HS6ST3: variants seen among roughly 807,000 people sequenced by gnomAD.
The protein encoded by HS6ST3 is heparan-sulfate 6-O-sulfotransferase 3.
HS6ST3 carries 12 observed loss-of-function variants against 36.7 expected under a neutral mutation model. The observed-to-expected ratio is 0.33, with a 90% CI of 0.21 to 0.53. HS6ST3 has a LOEUF of 0.53. Among genes scored for constraint, HS6ST3 ranks in the 20% least tolerant of loss-of-function variants. HS6ST3 has a pLI of 0.95. For missense variants in HS6ST3, 584 were observed against 640.9 expected (o/e 0.91, Z 0.96); for synonymous variants, 240 against 257.5 (o/e 0.93, Z 0.65).
At chr13:96,605,186 A>G (rs529358645) in intron 1 of HS6ST3, among the ~76,000 whole-genome samples, 2 of 152,268 alleles carry the variant, frequency 1.3e-5, no homozygotes, top group East Asian at 3.9e-4. Flanking sequence ...ATTCTTACCT[A>G]TCAGTGGAGA....
intron 1 of HS6ST3, among the ~76,000 whole-genome samples, chr13:96,112,594 T>TATATATATAC (rs1566884928): frequency 2.9e-5 from 2 of 68,372 alleles, no homozygotes; most frequent in African/African-American, 1.0e-4. Flanking sequence ...TATATATATA[T>TATATATATAC]ATATATATAT....
intron 1 of HS6ST3, among the ~76,000 whole-genome samples, chr13:96,598,983 T>G (rs2056411975): frequency 6.6e-6 from 1 of 152,164 alleles, no homozygotes; most frequent in Non-Finnish European, 1.5e-5. Context: ...GACTTGTGTA[T>G]GTTGAACCAT....
rs962166177 is a variant in HS6ST3 at position 96,332,153 on chromosome 13, G to C, written c.707+240584G>C. On this transcript the variant is annotated intron_variant, in intron 1 of 1. Transcript: ENST00000376705. ...AAATCACCTGTCTTCTGTGTCGCTC[G>C]TGCTGGGAGCTGTAGACCAGAGCTG... Among the ~76,000 whole-genome samples the C allele has an allele frequency of 2.3e-4, 35 of 152,144 alleles. 1 individual carries two copies. Among genetic ancestry groups the C allele is most frequent in the Non-Finnish European group, 1.2e-4 (8 of 68,030 alleles).
chr13:96,140,170 G>A (rs560833231), intron 1 of HS6ST3, among the ~76,000 whole-genome samples: 6 of 152,034 alleles, frequency 3.9e-5, no homozygotes, highest in African/African-American at 9.6e-5. Flanking sequence ...ATATCAAAAC[G>A]TATGCAAACA....
intron 1 of HS6ST3, among the ~76,000 whole-genome samples, chr13:96,632,711 A>G (rs1434167144): frequency 6.6e-6 from 1 of 152,224 alleles, no homozygotes; most frequent in African/African-American, 2.4e-5. Context: ...ACAGGATTCC[A>G]GTCTTTAGTA....
At chr13:96,168,500 G>C (rs2054171531) in intron 1 of HS6ST3, among the ~76,000 whole-genome samples, 1 of 152,010 alleles carries the variant, frequency 6.6e-6, no homozygotes, top group Non-Finnish European at 1.5e-5. Context: ...CAGCCTAGGA[G>C]TTCAAAAGCA....
chr13:96,467,679 A>G (rs148117834), intron 1 of HS6ST3, among the ~76,000 whole-genome samples: 5 of 152,332 alleles, frequency 3.3e-5, no homozygotes, highest in African/African-American at 1.2e-4. Context: ...CATTTCCTGT[A>G]TGATAACCAT....
intron 1 of HS6ST3, among the ~76,000 whole-genome samples, chr13:96,233,389 GCTATTA>G (rs1427122578): frequency 1.3e-5 from 2 of 152,170 alleles, no homozygotes; most frequent in Non-Finnish European, 2.9e-5. Flanking sequence ...TTGTGTAGTA[GCTATTA>G]CTGTACCATT....
chr13:96,255,144 G>A (rs2054630650), intron 1 of HS6ST3, among the ~76,000 whole-genome samples: 1 of 152,172 alleles, frequency 6.6e-6, no homozygotes, highest in Admixed American at 6.5e-5. Flanking sequence ...ACAAGGTTAG[G>A]CATTGGAGAC....
In HS6ST3 at chr13:96,587,121, T is replaced by C. The variant is rs561663892; in HGVS notation, c.708-245369T>C. 3.9e-5 allele frequency among the ~76,000 whole-genome samples: 6 copies of C among 152,314 alleles called. No homozygotes were observed. In the East Asian group the frequency reaches 1.2e-3, roughly 29 times the overall value. On this transcript the variant is annotated intron_variant, in intron 1 of 1. Transcript: ENST00000376705. The stretch of plus-strand genomic sequence containing the variant: ...AACTGTAAATGTAAGGATTTATTCC[T>C]GGGTTCTCTCTTCTGTTCCATTGGT...
At position 96,265,431 on chromosome 13, in the gene HS6ST3, C is replaced by T. The variant is rs1352149745; in HGVS notation, c.707+173862C>T. Among the ~76,000 whole-genome samples, 7 of 152,200 alleles carry T rather than the reference C, an allele frequency of 4.6e-5. No homozygotes were observed. In the South Asian group the frequency reaches 6.2e-4, roughly 14 times the overall value. On this transcript the variant is annotated intron_variant, in intron 1 of 1. Transcript: ENST00000376705. The stretch of plus-strand genomic sequence containing the variant: ...CTGGACTTAAACAATCCTCCTGCCT[C>T]GGCCTCCCAAAGTGATGGGATTATA...
chr13:96,779,934 A>G (rs1877483687), intron 1 of HS6ST3, among the ~76,000 whole-genome samples: 1 of 152,308 alleles, frequency 6.6e-6, no homozygotes, highest in Non-Finnish European at 1.5e-5. Context: ...AGTGGAATGT[A>G]TTGCTGAATG....
intron 1 of HS6ST3, among the ~76,000 whole-genome samples, chr13:96,603,993 T>C (rs2056430176): frequency 6.6e-6 from 1 of 152,208 alleles, no homozygotes; most frequent in Non-Finnish European, 1.5e-5. Context: ...TAGTGCTCCT[T>C]TAACTAAATC....
At chr13:96,667,051 G>A (rs1476315051) in intron 1 of HS6ST3, among the ~76,000 whole-genome samples, 9 of 151,974 alleles carry the variant, frequency 5.9e-5, no homozygotes, top group South Asian at 2.1e-4. Flanking sequence ...AACACCACAC[G>A]TCCCACTTGT....
chr13:96,471,618 A>G (rs955097532), intron 1 of HS6ST3, among the ~76,000 whole-genome samples: 10 of 152,192 alleles, frequency 6.6e-5, no homozygotes, highest in Non-Finnish European at 1.0e-4. Flanking sequence ...TTCCTCATTT[A>G]CAAGACAGTG....
At chr13:96,112,580 T>TATAC (rs1348391365) in intron 1 of HS6ST3, among the ~76,000 whole-genome samples, 1,935 of 33,638 alleles carry the variant, frequency 0.058, 404 homozygotes, top group African/African-American at 0.084. Flanking sequence ...AATAAATAAA[T>TATAC]ATATATATAT....
intron 1 of HS6ST3, among the ~76,000 whole-genome samples, chr13:96,154,640 T>A (rs1188717735): frequency 6.6e-6 from 1 of 152,070 alleles, no homozygotes; most frequent in African/African-American, 2.4e-5. Context: ...ATAAAGATAA[T>A]GAACAGATGA....
chr13:96,441,098 T>C (rs1025419531), intron 1 of HS6ST3, among the ~76,000 whole-genome samples: 2 of 152,146 alleles, frequency 1.3e-5, no homozygotes, highest in African/African-American at 4.8e-5. Context: ...AGATTCAACA[T>C]GAAGACTGCT....
At chr13:96,369,790 A>G (rs2055280872) in intron 1 of HS6ST3, among the ~76,000 whole-genome samples, 1 of 152,122 alleles carries the variant, frequency 6.6e-6, no homozygotes, top group South Asian at 2.1e-4. Context: ...AAAAATGATG[A>G]GGCTTTAAGT....
Sources: allele counts gnomAD v4.1 joint callset (sites outside exome capture counted in the v4.1 genomes callset), GRCh38; gene constraint gnomAD v4.1.1; transcripts MANE v1.5; gene names NCBI Gene and HGNC (gene_info 2026-07-23, HGNC 2026-07-21).